ANO10: variants seen among roughly 807,000 people sequenced by gnomAD.
ANO10 encodes the protein anoctamin-10.
A neutral mutation model predicts 74.7 loss-of-function variants in ANO10; 77 were observed. That is an observed-to-expected ratio of 1.03 (90% CI 0.86 to 1.25). ANO10 has a LOEUF of 1.25. Ranked by LOEUF, ANO10 falls within the 50% of genes most tolerant of loss-of-function variation. The pLI, the probability that ANO10 is intolerant of heterozygous loss-of-function variation, is 0.00. For missense variants in ANO10, 721 were observed against 778.1 expected, an observed-to-expected ratio of 0.93 and a Z score of 0.87; for synonymous variants, 279 against 284.9, an observed-to-expected ratio of 0.98 and a Z score of 0.21.
intron 7 of ANO10, among the ~76,000 whole-genome samples, chr3:43,570,438 A>G (rs2080640008): frequency 6.6e-6 from 1 of 151,472 alleles, no homozygotes; most frequent in African/African-American, 2.4e-5. Flanking sequence ...AAACTATACT[A>G]CAAGGCTACA....
rs572257415 is a variant in ANO10 at position 43,600,369 on chromosome 3, G to A, written c.337+15C>T. 2.5e-6 allele frequency: 4 copies of A among 1,613,576 alleles called. No homozygotes were observed. The highest frequency in any genetic ancestry group is 3.4e-6 in the Non-Finnish European group (4 of 1,179,602). ...ATAAATGGATTCTAACAGAGACAAAGAACTTAGGGCTTACCATCAAAACCT... is the reference window on the plus strand; with the variant it reads ...ATAAATGGATTCTAACAGAGACAAAAAACTTAGGGCTTACCATCAAAACCT... On this transcript the variant is annotated intron_variant, in intron 3 of 12. Coordinates refer to ENST00000292246, the MANE Select transcript of ANO10 (RefSeq NM_018075.5).
chr3:43,524,196 CAA>C (rs1429867325), intron 11 of ANO10, among the ~76,000 whole-genome samples: 1 of 21,404 alleles, frequency 4.7e-5, no homozygotes, highest in Non-Finnish European at 1.5e-4. Context: ...GAGGAATAGC[CAA>C]AGAGGTAGGA....
chr3:43,683,480 A>G (rs2084229493), intron 1 of ANO10, among the ~76,000 whole-genome samples: 1 of 152,254 alleles, frequency 6.6e-6, no homozygotes, highest in African/African-American at 2.4e-5. Flanking sequence ...GGAAGAATCA[A>G]TATCATGAAA....
chr3:43,622,628 A>G (rs2083444827), upstream of ANO10, among the ~76,000 whole-genome samples: 1 of 152,156 alleles, frequency 6.6e-6, no homozygotes, highest in South Asian at 2.1e-4. Flanking sequence ...AGAAATCGCC[A>G]GACACCTTTC....
chr3:43,545,035 GA>G (rs36069305), intron 11 of ANO10, among the ~76,000 whole-genome samples: 6,071 of 151,654 alleles, frequency 0.04, 221 homozygotes, highest in Non-Finnish European at 0.059. Flanking sequence ...AATTAATTTG[GA>G]AAAAAAGCAT....
chr3:43,485,650 C>CA, intron 11 of ANO10: 1 of 183,818 alleles, frequency 5.4e-6, no homozygotes, highest in Non-Finnish European at 1.1e-5. Context: ...AGCCAGCTGT[C>CA]GAAGTTCTTC....
intron 11 of ANO10, among the ~76,000 whole-genome samples, chr3:43,547,934 T>C (rs1227736308): frequency 1.3e-5 from 2 of 152,228 alleles, no homozygotes; most frequent in African/African-American, 4.8e-5. Context: ...AAGCTAGCGA[T>C]GGACACCAAG....
chr3:43,435,952 G>T (rs2093060600), intron 11 of ANO10, among the ~76,000 whole-genome samples: 1 of 152,178 alleles, frequency 6.6e-6, no homozygotes, highest in Non-Finnish European at 1.5e-5. Flanking sequence ...CAAGGAAGAG[G>T]TGTAAAGAGA....
At chr3:43,382,682 G>A (rs189607698) in intron 12 of ANO10, among the ~76,000 whole-genome samples, 29 of 152,218 alleles carry the variant, frequency 1.9e-4, no homozygotes, top group Non-Finnish European at 4.1e-4. Context: ...AATTAGAAAC[G>A]AAACGGGAGA....
At chr3:43,597,066 A>G (rs1200935929) in intron 4 of ANO10, among the ~76,000 whole-genome samples, 1 of 152,336 alleles carries the variant, frequency 6.6e-6, no homozygotes, top group South Asian at 2.1e-4. Context: ...ACAATGAGAT[A>G]CCATCTCACA....
rs774148896 is a variant in ANO10 at position 43,576,941 on chromosome 3, A to G, written c.913T>C (p.Tyr305His). 12 of 1,614,056 alleles carry G rather than the reference A, an allele frequency of 7.4e-6. No individual in the cohort carries two copies. Among genetic ancestry groups the G allele is most frequent in the Admixed American group, 1.7e-5 (1 of 60,010 alleles). Residue 305 changes from tyrosine to histidine, a missense_variant, in exon 6 of 13, where the codon TAC becomes CAC. Transcript: ENST00000292246. Reference sequence around the variant, plus strand: ...CGCAACTGTCTCTTGTAGCTGGGGTACAGAGGCTCCTCCTTCCCAGTGATG... The same window carrying G: ...CGCAACTGTCTCTTGTAGCTGGGGTGCAGAGGCTCCTCCTTCCCAGTGATG... ...NSITGKEEPL[Y>H]PSYKRQLRIY... is the part of the protein sequence containing the mutation.
intron 12 of ANO10, among the ~76,000 whole-genome samples, chr3:43,384,167 A>C (rs543491646): frequency 2.6e-5 from 4 of 151,682 alleles, no homozygotes; most frequent in African/African-American, 9.8e-5. Context: ...ACTTCTTTTA[A>C]AATAGCTTCA....
chr3:43,637,221 A>G (rs774788821), intron 1 of ANO10, among the ~76,000 whole-genome samples: 3 of 151,942 alleles, frequency 2.0e-5, no homozygotes, highest in Non-Finnish European at 2.9e-5. Context: ...TAATTCCAGC[A>G]CTTTGGGAGG....
In ANO10 at chr3:43,549,731, C is replaced by T; in HGVS notation, c.1786G>A (p.Val596Ile). Residue 596 changes from valine to isoleucine, a missense_variant, in exon 11 of 13, where the codon GTA (valine) becomes ATA (isoleucine). Val to Ile is a conservative substitution (Grantham distance 29). Transcript: ENST00000292246. ...AAATCTTTACTTACCTCCACTGCTA[C>T]TACAATCAAAATGAGGTCTGCTTTT... ...ESKADLILIV[V>I]AVEHALLALK... The T allele has an allele frequency of 1.2e-6, 2 of 1,614,006 alleles. No homozygotes were observed. Among genetic ancestry groups the T allele is most frequent in the Non-Finnish European group, 1.7e-6 (2 of 1,179,892 alleles).
intron 11 of ANO10, among the ~76,000 whole-genome samples, chr3:43,503,953 A>T (rs1219021279): frequency 6.6e-6 from 1 of 152,110 alleles, no homozygotes; most frequent in East Asian, 1.9e-4. Context: ...TTGTTATATA[A>T]CACCTTGTTA....
intron 12 of ANO10, among the ~76,000 whole-genome samples, chr3:43,423,540 C>T (rs2148919288): frequency 6.6e-6 from 1 of 152,220 alleles, no homozygotes; most frequent in South Asian, 2.1e-4. Flanking sequence ...TCCTGTTACA[C>T]AATGGGAAGA....
chr3:43,633,493 G>A (rs1055481322), intron 1 of ANO10, among the ~76,000 whole-genome samples: 1 of 152,122 alleles, frequency 6.6e-6, no homozygotes, highest in African/African-American at 2.4e-5. Context: ...TCTTTTCTGT[G>A]TCTTCTGTGT....
chr3:43,508,557 A>T (rs1000052293), intron 11 of ANO10, among the ~76,000 whole-genome samples: 1 of 152,220 alleles, frequency 6.6e-6, no homozygotes, highest in Non-Finnish European at 1.5e-5. Context: ...ATGTCCATCA[A>T]TGATAGACTG....
chr3:43,545,558 G>T (rs1186440288), intron 11 of ANO10, among the ~76,000 whole-genome samples: 4 of 152,050 alleles, frequency 2.6e-5, no homozygotes, highest in Non-Finnish European at 5.9e-5. Context: ...TACAGACGGG[G>T]TTTCATCATG....
Sources: gnomAD v4.1 joint callset for allele counts (sites outside exome capture counted in the v4.1 genomes callset) on GRCh38, gnomAD v4.1.1 for gene constraint, MANE v1.5 for transcripts, NCBI Gene and HGNC (gene_info 2026-07-23, HGNC 2026-07-21) for gene names.